The following PPARGC1B variants were observed in gnomAD, a reference collection of about 807,000 sequenced individuals.
PPARGC1B encodes the protein PPARG coactivator 1 beta.
A neutral mutation model predicts 101.6 loss-of-function variants in PPARGC1B; 34 were observed. The ratio of observed to expected loss-of-function variants is 0.33; its 90% CI spans 0.25 to 0.45. The LOEUF (loss-of-function observed/expected upper bound fraction) is 0.45. Among genes scored for constraint, PPARGC1B ranks in the 20% least tolerant of loss-of-function variants. The probability of loss-of-function intolerance (pLI) is 1.00; values close to 1 mark genes in which losing one functional copy is unlikely to be tolerated. For missense variants in PPARGC1B, 1,234 were observed against 1,317.6 expected (o/e 0.94, Z 0.98); for synonymous variants, 548 against 539.3 (o/e 1.02, Z -0.22).
chr5:149,749,383 A>C (rs1436503002), intron 1 of PPARGC1B, among the ~76,000 whole-genome samples: 1 of 152,214 alleles, frequency 6.6e-6, no homozygotes, highest in East Asian at 1.9e-4. Flanking sequence ...TGTTGTAGGA[A>C]CTGGACGGGA....
chr5:149,771,834 G>A (rs1363682395), intron 1 of PPARGC1B: 1 of 397,108 alleles, frequency 2.5e-6, no homozygotes, highest in Non-Finnish European at 4.4e-6. Flanking sequence ...GCTCTGAGTT[G>A]TAGCATTTTC....
At position 149,833,396 on chromosome 5, in the gene PPARGC1B, GGAA is replaced by G. The variant is rs769991804; in HGVS notation, c.1330_1332del (p.Glu444del). The G allele has an allele frequency of 3.7e-6, 6 of 1,610,334 alleles. No homozygotes were observed. The Admixed American group carries it at 1.0e-4, about 27-fold the overall frequency. On this transcript the variant is annotated inframe_deletion, in exon 5 of 12. Transcript: ENST00000309241. The surrounding 1 kb of genome is among the most constrained non-coding windows in gnomAD (Gnocchi z 4.1). ...ACGAGGAAGAAGAGGAGGAGGAAGAGGAAGAAGAAAAAGAGGAGGAGGAGGAGT... is the reference window on the plus strand; with the variant it reads ...ACGAGGAAGAAGAGGAGGAGGAAGAGGAAGAAAAAGAGGAGGAGGAGGAGT...
intron 1 of PPARGC1B, among the ~76,000 whole-genome samples, chr5:149,758,729 G>T (rs1463155367): frequency 6.6e-6 from 1 of 152,034 alleles, no homozygotes; most frequent in African/African-American, 2.4e-5. Flanking sequence ...CAGGCTCCAT[G>T]GTGTCTTGTA....
intron 1 of PPARGC1B, among the ~76,000 whole-genome samples, chr5:149,807,570 C>T (rs1581076788): frequency 6.6e-6 from 1 of 152,106 alleles, no homozygotes; most frequent in Non-Finnish European, 1.5e-5. Flanking sequence ...TAAGCAAAAT[C>T]GATGCATTTC....
At chr5:149,835,443 C>G (rs965869208) in intron 7 of PPARGC1B, 78 bp downstream of exon 7, 1 of 1,288,500 alleles carries the variant, frequency 7.8e-7, no homozygotes, top group African/African-American at 1.5e-5. Flanking sequence ...CATGCATGGG[C>G]AAGGTGCCAC....
rs1204378746 is a variant in PPARGC1B at position 149,837,662 on chromosome 5, G to A, written c.2618+589G>A. Among the ~76,000 whole-genome samples the A allele has an allele frequency of 6.6e-6, 1 of 152,154 alleles. No individual in the cohort carries two copies. Among genetic ancestry groups the A allele is most frequent in the African/African-American group, 2.4e-5 (1 of 41,430 alleles). On this transcript the variant is annotated intron_variant, in intron 8 of 11. Transcript: ENST00000309241. This position sits in a 1 kb window ranked among gnomAD's most constrained non-coding sequence, Gnocchi z 4.2. The stretch of plus-strand genomic sequence containing the variant: ...GAGCCCGCTTGCTCGTATCATCCTC[G>A]CTCGCTGAACCAGACTGGAGAAGAA...
At chr5:149,755,117 C>T (rs1443396826) in intron 1 of PPARGC1B, among the ~76,000 whole-genome samples, 1 of 147,142 alleles carries the variant, frequency 6.8e-6, no homozygotes. Flanking sequence ...TTATGTTGGG[C>T]AGGCTGGTCT....
intron 1 of PPARGC1B, among the ~76,000 whole-genome samples, chr5:149,805,677 T>A (rs1307901675): frequency 6.6e-6 from 1 of 152,212 alleles, no homozygotes; most frequent in East Asian, 1.9e-4. Flanking sequence ...TGACCTCAGG[T>A]GATCTGACCC....
At chr5:149,823,826 G>A (rs1265900684) in intron 2 of PPARGC1B, among the ~76,000 whole-genome samples, 1 of 152,140 alleles carries the variant, frequency 6.6e-6, no homozygotes, top group Non-Finnish European at 1.5e-5. Context: ...AAATTGATGG[G>A]TGCTTCTTGA....
chr5:149,821,910 G>T (rs2113360984), intron 2 of PPARGC1B, among the ~76,000 whole-genome samples: 1 of 152,262 alleles, frequency 6.6e-6, no homozygotes, highest in Middle Eastern at 3.4e-3. Context: ...ACAAGGAAAG[G>T]GAAGCTCAGA....
chr5:149,797,816 G>A (rs1757282363), intron 1 of PPARGC1B, among the ~76,000 whole-genome samples: 1 of 152,100 alleles, frequency 6.6e-6, no homozygotes, highest in Non-Finnish European at 1.5e-5. Context: ...AGCTATTAGG[G>A]AGGCTGAGGC....
intron 1 of PPARGC1B, among the ~76,000 whole-genome samples, chr5:149,736,653 T>C (rs547501506): frequency 6.6e-6 from 1 of 152,322 alleles, no homozygotes; most frequent in East Asian, 1.9e-4. Context: ...TTTGTCTTCT[T>C]CCATTTGCCC....
chr5:149,848,399 CTG>C lies in PPARGC1B; in HGVS notation c.*844_*845del, dbSNP rs1294439513. On this transcript the variant is annotated 3_prime_UTR_variant, in exon 12 of 12. Transcript: ENST00000309241. The stretch of plus-strand genomic sequence containing the variant: ...GGCAGCTCCTCAAGAGGCGAAATGA[CTG>C]TGGGAGGTCCGGTTACCAGTGAGGA... 1 of 152,260 alleles carries C rather than the reference CTG, an allele frequency of 6.6e-6. No individual in the cohort carries two copies. Among genetic ancestry groups the C allele is most frequent in the Admixed American group, 6.5e-5 (1 of 15,278 alleles). The allele number at this position is 152,260 out of a possible 1,614,324, so 9.4% of individuals were successfully genotyped here. A position where few individuals can be genotyped will look rare whatever the true frequency, so the allele number is the denominator to read the frequency against.
At chr5:149,753,080 T>G (rs899056562) in intron 1 of PPARGC1B, among the ~76,000 whole-genome samples, 3 of 152,250 alleles carry the variant, frequency 2.0e-5, no homozygotes, top group African/African-American at 4.8e-5. Flanking sequence ...AAGGGCATTG[T>G]TGTGCAACTT....
chr5:149,762,262 C>G (rs1315548685), intron 1 of PPARGC1B, among the ~76,000 whole-genome samples: 1 of 151,966 alleles, frequency 6.6e-6, no homozygotes, highest in African/African-American at 2.4e-5. Flanking sequence ...GCTCCTCCTG[C>G]CTCAGCCTCC....
chr5:149,845,744 T>G lies in PPARGC1B; in HGVS notation c.2817-16T>G, dbSNP rs770763527. ...AGCCAGCCCAATAACATACTCTCCT[T>G]GCTCCCTCCCCGCAGAGGCGAGAAG... On this transcript the variant is annotated splice_polypyrimidine_tract_variant and intron_variant, in intron 10 of 11. Coordinates refer to ENST00000309241, the MANE Select transcript of PPARGC1B (RefSeq NM_133263.4). 1.3e-6 allele frequency: 2 copies of G among 1,594,632 alleles called. No homozygotes were observed. Among genetic ancestry groups the G allele is most frequent in the Non-Finnish European group, 1.7e-6 (2 of 1,167,632 alleles).
rs762096844 is a variant in PPARGC1B, at chr5:149,830,799, A to G, written c.498A>G (p.Pro166=). ...LQKLLLATSY[P]TSSSDTQKEG... is the part of the protein sequence containing the mutation. ...AGCTCCTCCTGGCCACATCCTACCCAACATCAAGCTCTGACACCCAGAAGG... is the reference window on the plus strand; with the variant it reads ...AGCTCCTCCTGGCCACATCCTACCCGACATCAAGCTCTGACACCCAGAAGG... The change falls in exon 4 of 12, where the codon CCA becomes CCG. Residue 166 remains proline, a synonymous_variant. Coordinates refer to ENST00000309241, the MANE Select transcript of PPARGC1B (RefSeq NM_133263.4). The G allele has an allele frequency of 1.2e-6, 2 of 1,614,026 alleles. No individual in the cohort carries two copies. Among genetic ancestry groups the G allele is most frequent in the Non-Finnish European group, 1.7e-6 (2 of 1,179,960 alleles).
chr5:149,835,097 G>T (rs1758989781), intron 6 of PPARGC1B, among the ~76,000 whole-genome samples: 1 of 152,228 alleles, frequency 6.6e-6, no homozygotes, highest in South Asian at 2.1e-4. Context: ...CCTTGCCTGT[G>T]TCTCCTAAAA....
At position 149,837,727 on chromosome 5, in the gene PPARGC1B, T is replaced by TG. The variant is rs1255406939; in HGVS notation, c.2618+656dup. On this transcript the variant is annotated intron_variant, in intron 8 of 11. Coordinates refer to ENST00000309241, the MANE Select transcript of PPARGC1B (RefSeq NM_133263.4). This position sits in a 1 kb window ranked among gnomAD's most constrained non-coding sequence, Gnocchi z 4.2. ...CAGCTGGGGAGCTGGGCAGAAAAAATGGAGGTTTGGCAGATTCAGAGGGTA... is the reference window on the plus strand; with the variant it reads ...CAGCTGGGGAGCTGGGCAGAAAAAATGGGAGGTTTGGCAGATTCAGAGGGTA... Among the ~76,000 whole-genome samples the TG allele has an allele frequency of 2.0e-5, 3 of 151,772 alleles. No individual in the cohort carries two copies. The highest frequency in any genetic ancestry group is 7.3e-5 in the African/African-American group (3 of 41,290).
Sources: allele counts gnomAD v4.1 joint callset (sites outside exome capture counted in the v4.1 genomes callset), GRCh38; gene constraint gnomAD v4.1.1; non-coding constraint Gnocchi (gnomAD v3.1); transcripts MANE v1.5; gene names NCBI Gene and HGNC (gene_info 2026-07-23, HGNC 2026-07-21).